TMEM117: variants seen among roughly 807,000 people sequenced by gnomAD.
TMEM117 encodes transmembrane protein 117.
In TMEM117, 27 loss-of-function variants were observed where a neutral mutation model predicts 52.4. That is an observed-to-expected ratio of 0.51 (90% confidence interval 0.38 to 0.71). The LOEUF (loss-of-function observed/expected upper bound fraction) is 0.71, where lower values mean the gene tolerates loss of function less well. TMEM117 is among the 30% of genes least tolerant of loss of function. TMEM117 has a pLI of 0.00. For synonymous variants in TMEM117, 215 were observed against 206.3 expected, an observed-to-expected ratio of 1.04 and a Z score of -0.36; for missense variants, 556 against 630.5, an observed-to-expected ratio of 0.88 and a Z score of 1.26.
chr12:44,365,472 A>G (rs1951777846), intron 6 of TMEM117, among the ~76,000 whole-genome samples: 2 of 152,162 alleles, frequency 1.3e-5, no homozygotes, highest in Admixed American at 1.3e-4. Flanking sequence ...AAATCTTACT[A>G]TGGTAAACAA....
At chr12:44,136,862 A>G (rs1055074791) in intron 3 of TMEM117, among the ~76,000 whole-genome samples, 2 of 152,098 alleles carry the variant, frequency 1.3e-5, no homozygotes, top group African/African-American at 4.8e-5. Flanking sequence ...TGATACAATA[A>G]CGCTCTATTC....
chr12:44,316,537 G>A (rs1951056839), intron 6 of TMEM117, among the ~76,000 whole-genome samples: 1 of 152,072 alleles, frequency 6.6e-6, no homozygotes, highest in African/African-American at 2.4e-5. Context: ...TTGTCCTTGG[G>A]CAGTTTAATG....
chr12:44,382,717 A>G (rs1313094646), intron 7 of TMEM117, among the ~76,000 whole-genome samples: 1 of 152,222 alleles, frequency 6.6e-6, no homozygotes, highest in Non-Finnish European at 1.5e-5. Flanking sequence ...GGAAGTAACA[A>G]TGACAAGAGA....
chr12:44,350,802 T>G (rs1951552169), intron 6 of TMEM117, among the ~76,000 whole-genome samples: 1 of 152,064 alleles, frequency 6.6e-6, no homozygotes, highest in African/African-American at 2.4e-5. Flanking sequence ...TCTTGGCTAC[T>G]GTGAACAGTG....
intron 4 of TMEM117, among the ~76,000 whole-genome samples, chr12:44,203,996 C>A (rs1949531617): frequency 6.6e-6 from 1 of 152,080 alleles, no homozygotes; most frequent in South Asian, 2.1e-4. Context: ...TGCATTTCCC[C>A]TGAGAACCGG....
chr12:44,352,127 A>G (rs994753732), intron 6 of TMEM117, among the ~76,000 whole-genome samples: 1 of 151,972 alleles, frequency 6.6e-6, no homozygotes, highest in Non-Finnish European at 1.5e-5. Context: ...AAGCTGTAAA[A>G]AGCTAAATAC....
intron 4 of TMEM117, among the ~76,000 whole-genome samples, chr12:44,178,484 G>A (rs997961344): frequency 7.2e-5 from 11 of 152,120 alleles, no homozygotes; most frequent in African/African-American, 2.4e-4. Flanking sequence ...TTGATATGCA[G>A]AACTGTATAT....
At chr12:44,002,810 A>G (rs1252733598) in intron 3 of TMEM117, among the ~76,000 whole-genome samples, 1 of 146,600 alleles carries the variant, frequency 6.8e-6, no homozygotes, top group Non-Finnish European at 1.5e-5. Context: ...GCATGGACGG[A>G]GAAGAGGAAG....
chr12:43,965,181 G>T (rs780574182), intron 3 of TMEM117, among the ~76,000 whole-genome samples: 4 of 152,148 alleles, frequency 2.6e-5, no homozygotes, highest in Non-Finnish European at 5.9e-5. Flanking sequence ...CCTACTTCTG[G>T]GTAAGTTAGG....
intron 4 of TMEM117, among the ~76,000 whole-genome samples, chr12:44,161,102 GAGTA>G (rs1294649935): frequency 3.3e-5 from 5 of 152,112 alleles, no homozygotes; most frequent in Non-Finnish European, 4.4e-5. Context: ...CAGGGATATT[GAGTA>G]ACATCTCATT....
chr12:44,376,140 G>T (rs1182272803), intron 6 of TMEM117, among the ~76,000 whole-genome samples: 1 of 152,156 alleles, frequency 6.6e-6, no homozygotes, highest in African/African-American at 2.4e-5. Context: ...ACAAATCAAA[G>T]AACTTGGTTA....
intron 4 of TMEM117, among the ~76,000 whole-genome samples, chr12:44,188,899 A>G (rs887195690): frequency 1.3e-5 from 2 of 152,174 alleles, no homozygotes; most frequent in Non-Finnish European, 2.9e-5. Context: ...CCCAGTCTAG[A>G]AAAGTGCTTT....
intron 3 of TMEM117, among the ~76,000 whole-genome samples, chr12:44,088,736 C>T (rs1476953561): frequency 6.6e-6 from 1 of 152,168 alleles, no homozygotes; most frequent in Non-Finnish European, 1.5e-5. Context: ...TATAATTCTG[C>T]TGCAGAATTT....
intron 5 of TMEM117, among the ~76,000 whole-genome samples, chr12:44,248,213 A>G (rs1458174800): frequency 1.3e-5 from 2 of 152,114 alleles, no homozygotes; most frequent in African/African-American, 2.4e-5. Context: ...TGCTATTGCC[A>G]TCACTATCAG....
chr12:43,806,791 A>G, the TMEM117 span, among the ~76,000 whole-genome samples: 2 of 152,308 alleles, frequency 1.3e-5, no homozygotes, highest in East Asian at 1.9e-4. Flanking sequence ...CCTCTCATCA[A>G]ATTTTTCCAC....
chr12:44,228,624 T>G (rs1949894410), intron 5 of TMEM117, among the ~76,000 whole-genome samples: 1 of 152,076 alleles, frequency 6.6e-6, no homozygotes, highest in African/African-American at 2.4e-5. Flanking sequence ...TTCCCATGGA[T>G]ACCTAATCAG....
intron 6 of TMEM117, among the ~76,000 whole-genome samples, chr12:44,315,346 T>C (rs565859978): frequency 1.7e-4 from 26 of 152,350 alleles, no homozygotes; most frequent in Non-Finnish European, 3.5e-4. Flanking sequence ...GATACCAAAC[T>C]GTAAATTTGA....
At chr12:43,977,080 C>T (rs1439948705) in intron 3 of TMEM117, among the ~76,000 whole-genome samples, 1 of 152,016 alleles carries the variant, frequency 6.6e-6, no homozygotes, top group Admixed American at 6.6e-5. Flanking sequence ...AAGAGATGAG[C>T]CTAATAGAGT....
intron 4 of TMEM117, among the ~76,000 whole-genome samples, chr12:44,181,049 C>G (rs942579461): frequency 6.6e-6 from 1 of 152,168 alleles, no homozygotes; most frequent in African/African-American, 2.4e-5. Context: ...GCCATTCTAA[C>G]TGGTGTAAAA....
Sources: allele counts gnomAD v4.1 joint callset (sites outside exome capture counted in the v4.1 genomes callset), GRCh38; gene constraint gnomAD v4.1.1; transcripts MANE v1.5; gene names NCBI Gene and HGNC (gene_info 2026-07-23, HGNC 2026-07-21).